Variants in NECTIN3 observed in about 807,000 individuals in gnomAD.
NECTIN3 encodes nectin cell adhesion molecule 3.
NECTIN3 carries 8 observed loss-of-function variants against 49.4 expected under a neutral mutation model. The observed-to-expected ratio is 0.16, with a 90% CI of 0.10 to 0.29. The LOEUF is 0.29. NECTIN3 is among the 10% of genes least tolerant of loss of function. NECTIN3 has a pLI of 1.00. For synonymous variants in NECTIN3, 277 were observed against 241.1 expected, an observed-to-expected ratio of 1.15 and a Z score of -1.38; for missense variants, 581 against 654.6, an observed-to-expected ratio of 0.89 and a Z score of 1.23.
intron 5 of NECTIN3, among the ~76,000 whole-genome samples, chr3:111,130,778 G>GT (rs2034357581): frequency 6.6e-6 from 1 of 152,010 alleles, no homozygotes; most frequent in South Asian, 2.1e-4. Flanking sequence ...TTATATAATA[G>GT]TAATACTCTC....
In NECTIN3 at chr3:111,071,851, G is replaced by A. The variant is rs1357701368; in HGVS notation, c.-167G>A. The A allele has an allele frequency of 4.8e-6, 2 of 420,516 alleles. No individual in the cohort carries two copies. The highest frequency in any genetic ancestry group is 7.9e-6 in the Non-Finnish European group (2 of 252,390). 26.0% of individuals were successfully genotyped at this position (420,516 alleles called of 1,614,324 possible). A position where few individuals can be genotyped will look rare whatever the true frequency, so the allele number is the denominator to read the frequency against. On this transcript the variant is annotated 5_prime_UTR_variant, in exon 1 of 6. Coordinates refer to ENST00000485303, the MANE Select transcript of NECTIN3 (RefSeq NM_015480.3). ...GTGGCGTCGGCGACGGCGGTGTCGAGGCAGCCGCCAGCGTTCGGCCAAGTG... is the reference window on the plus strand; with the variant it reads ...GTGGCGTCGGCGACGGCGGTGTCGAAGCAGCCGCCAGCGTTCGGCCAAGTG...
chr3:111,145,788 TG>T (rs1274561041), intron 6 of NECTIN3, among the ~76,000 whole-genome samples: 1 of 152,232 alleles, frequency 6.6e-6, no homozygotes, highest in East Asian at 1.9e-4. Flanking sequence ...GGTTTATTAA[TG>T]TTTTTATGTT....
chr3:111,173,928 CTTTGAG>C (rs1426723929), intron 7 of NECTIN3, among the ~76,000 whole-genome samples: 2 of 152,114 alleles, frequency 1.3e-5, no homozygotes, highest in Non-Finnish European at 2.9e-5. Context: ...TTCCCCTGGG[CTTTGAG>C]AACCTAGCTG....
At chr3:111,171,036 T>G (rs1235575578) in intron 7 of NECTIN3, among the ~76,000 whole-genome samples, 2 of 152,226 alleles carry the variant, frequency 1.3e-5, no homozygotes, top group African/African-American at 4.8e-5. Context: ...CTTATATTTA[T>G]TTAGCATTTT....
intron 1 of NECTIN3, among the ~76,000 whole-genome samples, chr3:111,099,565 T>C (rs760307163): frequency 2.0e-5 from 3 of 152,188 alleles, no homozygotes; most frequent in Non-Finnish European, 4.4e-5. Flanking sequence ...TCAATAAATA[T>C]TTGAACACTT....
At chr3:111,128,231 G>A (rs1300032365) in intron 5 of NECTIN3, among the ~76,000 whole-genome samples, 1 of 151,714 alleles carries the variant, frequency 6.6e-6, no homozygotes, top group African/African-American at 2.4e-5. Context: ...CAGCCACTCA[G>A]GAGTCTAAGG....
chr3:111,114,612 T>C (rs1018937170), intron 2 of NECTIN3, among the ~76,000 whole-genome samples: 2 of 152,140 alleles, frequency 1.3e-5, no homozygotes, highest in African/African-American at 4.8e-5. Context: ...AAGAAATATT[T>C]CGTAGGAGAA....
downstream of NECTIN3, among the ~76,000 whole-genome samples, chr3:111,142,496 T>G (rs1181035914): frequency 2.0e-5 from 3 of 151,976 alleles, no homozygotes; most frequent in East Asian, 3.9e-4. Context: ...AGCTAGAAAT[T>G]ATAAGACTAG....
intron 1 of NECTIN3, among the ~76,000 whole-genome samples, chr3:111,079,040 G>A (rs1196921800): frequency 1.3e-5 from 2 of 152,036 alleles, no homozygotes; most frequent in African/African-American, 4.8e-5. Flanking sequence ...CCAACTAAGT[G>A]TCTGAGAACA....
chr3:111,101,599 G>A (rs1186497303), intron 1 of NECTIN3, among the ~76,000 whole-genome samples: 1 of 152,098 alleles, frequency 6.6e-6, no homozygotes. Flanking sequence ...CTAGAATTGT[G>A]TTATCTAGAA....
intron 1 of NECTIN3, among the ~76,000 whole-genome samples, chr3:111,098,192 C>G (rs1426702264): frequency 6.6e-6 from 1 of 152,186 alleles, no homozygotes; most frequent in South Asian, 2.1e-4. Flanking sequence ...GAGCAGTGTG[C>G]AAGTCTGAAC....
intron 1 of NECTIN3, among the ~76,000 whole-genome samples, chr3:111,090,392 A>T (rs1335122038): frequency 6.6e-6 from 1 of 152,038 alleles, no homozygotes; most frequent in Non-Finnish European, 1.5e-5. Flanking sequence ...CTTTAATATT[A>T]ACTTCATGAA....
intron 1 of NECTIN3, among the ~76,000 whole-genome samples, chr3:111,100,142 G>C (rs910796592): frequency 6.6e-6 from 1 of 151,990 alleles, no homozygotes; most frequent in Non-Finnish European, 1.5e-5. Context: ...ATTGTTTAGA[G>C]GTGCTTCCTT....
At chr3:111,083,242 G>GA (rs1188784725) in intron 1 of NECTIN3, among the ~76,000 whole-genome samples, 1 of 152,064 alleles carries the variant, frequency 6.6e-6, no homozygotes, top group Non-Finnish European at 1.5e-5. Flanking sequence ...AAAGGAAAGA[G>GA]AAAAAAGAGT....
intron 7 of NECTIN3, among the ~76,000 whole-genome samples, chr3:111,165,081 C>T (rs930226403): frequency 2.0e-5 from 3 of 152,034 alleles, no homozygotes; most frequent in African/African-American, 7.3e-5. Flanking sequence ...GAGTCTCGCT[C>T]TGTCGCCCAG....
chr3:111,191,966 G>A (rs574013423), upstream of NECTIN3, among the ~76,000 whole-genome samples: 2 of 152,184 alleles, frequency 1.3e-5, no homozygotes, highest in South Asian at 4.2e-4. Flanking sequence ...CAAATAGCTG[G>A]GATTACAGGT....
intron 5 of NECTIN3, among the ~76,000 whole-genome samples, chr3:111,144,375 T>A (rs1301999290): frequency 6.6e-6 from 1 of 151,966 alleles, no homozygotes; most frequent in African/African-American, 2.4e-5. Flanking sequence ...CCTGTTTTAA[T>A]ATTAATATTT....
rs1576181958 is a variant in NECTIN3 at position 111,177,467 on chromosome 3, T to C, written c.1222-14884T>C. ...TTACAACATCTAGGCAGTACTGGAATGATTTTTGGCATAGCTTCTCTGAGA... is the reference window on the plus strand; with the variant it reads ...TTACAACATCTAGGCAGTACTGGAACGATTTTTGGCATAGCTTCTCTGAGA... On this transcript the variant is annotated intron_variant, in intron 7 of 8. Coordinates refer to the NECTIN3 transcript ENST00000493615. Among the ~76,000 whole-genome samples, 3 of 152,304 alleles carry C rather than the reference T, an allele frequency of 2.0e-5. No homozygotes were observed. In the South Asian group the frequency reaches 6.2e-4, roughly 32 times the overall value.
chr3:111,117,833 T>C (rs1490651432), intron 2 of NECTIN3, among the ~76,000 whole-genome samples: 1 of 151,972 alleles, frequency 6.6e-6, no homozygotes. Context: ...AAAAGATAGC[T>C]AAGAGATATT....
Sources: gnomAD v4.1 joint callset for allele counts (sites outside exome capture counted in the v4.1 genomes callset) on GRCh38, gnomAD v4.1.1 for gene constraint, MANE v1.5 for transcripts, NCBI Gene and HGNC (gene_info 2026-07-23, HGNC 2026-07-21) for gene names.